Variants in ANK1 observed in about 807,000 individuals in gnomAD.
ANK1 encodes the protein ankyrin 1, also known as ankyrin-1.
In ANK1, 51 loss-of-function variants were observed where a neutral mutation model predicts 210.4. The ratio of observed to expected loss-of-function variants is 0.24; its 90% CI spans 0.19 to 0.31. The LOEUF is 0.31. ANK1 is among the 10% of genes least tolerant of loss of function. The probability of loss-of-function intolerance (pLI) is 1.00; values close to 1 mark genes in which losing one functional copy is unlikely to be tolerated. For missense variants in ANK1, 2,051 were observed against 2,504.4 expected, an observed-to-expected ratio of 0.82 and a Z score of 3.86; for synonymous variants, 967 against 1,025.9, an observed-to-expected ratio of 0.94 and a Z score of 1.10.
chr8:41,892,874 C>T (rs930183994), intron 1 of ANK1, among the ~76,000 whole-genome samples: 1 of 152,194 alleles, frequency 6.6e-6, no homozygotes, highest in African/African-American at 2.4e-5. Flanking sequence ...AGGTACACAG[C>T]TATGAATAGG....
chr8:41,787,252 T>C (rs189719604), intron 1 of ANK1, among the ~76,000 whole-genome samples: 67 of 152,232 alleles, frequency 4.4e-4, no homozygotes, highest in Middle Eastern at 6.8e-3. Context: ...TTGTGGGTGA[T>C]TATATAAAAA....
intron 40 of ANK1, among the ~76,000 whole-genome samples, chr8:41,662,439 A>C (rs1808719777): frequency 6.6e-6 from 1 of 152,186 alleles, no homozygotes; most frequent in Non-Finnish European, 1.5e-5. Flanking sequence ...ACAGCCCTGA[A>C]GGGGCCTTGG....
chr8:41,809,319 T>C (rs1802122848), intron 1 of ANK1, among the ~76,000 whole-genome samples: 1 of 152,246 alleles, frequency 6.6e-6, no homozygotes, highest in South Asian at 2.1e-4. Flanking sequence ...TGTGAAAACT[T>C]CCAAGCCAGC....
At position 41,714,257 on chromosome 8, in the gene ANK1, G is replaced by A; in HGVS notation, c.1702-3C>T. ...ACGTGCAGGGGGGTCAGGCCATTCTGCAGGGGACAAAGACAAAAGAGGCCG... is the reference window on the plus strand; with the variant it reads ...ACGTGCAGGGGGGTCAGGCCATTCTACAGGGGACAAAGACAAAAGAGGCCG... On this transcript the variant is annotated splice_polypyrimidine_tract_variant and splice_region_variant and intron_variant, in intron 15 of 42. Transcript: ENST00000289734. The A allele has an allele frequency of 6.4e-7, 1 of 1,555,374 alleles. No homozygotes were observed.
At chr8:41,740,660 C>T (rs1310327289) in intron 2 of ANK1, among the ~76,000 whole-genome samples, 5 of 152,290 alleles carry the variant, frequency 3.3e-5, no homozygotes, top group East Asian at 1.9e-4. Context: ...TCTCTGTATG[C>T]GTGCACTCTA....
intron 37 of ANK1, 48 bp from the exon 38 acceptor site, chr8:41,672,960 CCACCCATT>C (rs1232816102): frequency 1.3e-6 from 2 of 1,542,106 alleles, no homozygotes; most frequent in Admixed American, 3.6e-5. Flanking sequence ...GATTCCTGTC[CCACCCATT>C]CACGTGCAGG....
At position 41,725,873 on chromosome 8, in the gene ANK1, C is replaced by T. The variant is rs1291624250; in HGVS notation, c.500G>A (p.Gly167Asp). Residue 167 changes from glycine (G) to aspartate (D), a missense_variant, in exon 6 of 43, where the codon GGC becomes GAC. Physicochemically the swap from Gly to Asp is moderately conservative, Grantham distance 94. Coordinates refer to ENST00000289734, the MANE Select transcript of ANK1 (RefSeq NM_000037.4). ...ENVVAHLINY[G>D]TKGKVRLPAL... ...CGGGAGGCGCACCTTCCCCTTGGTG[C>T]CGTAGTTGATGAGGTGCGCGACGAC... 1.9e-6 allele frequency: 3 copies of T among 1,613,222 alleles called. No individual in the cohort carries two copies. The highest frequency in any genetic ancestry group is 2.5e-6 in the Non-Finnish European group (3 of 1,179,896).
chr8:41,676,045 T>C (rs1814052298), intron 37 of ANK1, among the ~76,000 whole-genome samples: 1 of 152,238 alleles, frequency 6.6e-6, no homozygotes, highest in South Asian at 2.1e-4. Context: ...TGCTTCCAGT[T>C]TGTGGCTATT....
At chr8:41,837,256 G>A (rs375087503) in intron 1 of ANK1, among the ~76,000 whole-genome samples, 14 of 152,316 alleles carry the variant, frequency 9.2e-5, no homozygotes, top group African/African-American at 3.4e-4. Context: ...GCACTTACTA[G>A]GTGCCACTCA....
intron 1 of ANK1, among the ~76,000 whole-genome samples, chr8:41,790,673 T>G (rs534324382): frequency 2.0e-5 from 3 of 152,276 alleles, no homozygotes; most frequent in Middle Eastern, 3.4e-3. Context: ...GAGATCCTAT[T>G]ATACAGCTTT....
intron 1 of ANK1, among the ~76,000 whole-genome samples, chr8:41,827,078 T>C (rs1055957273): frequency 1.3e-5 from 2 of 152,262 alleles, no homozygotes; most frequent in African/African-American, 4.8e-5. Context: ...TATAAGCCCT[T>C]AATAATCAGC....
chr8:41,705,804 G>C (rs1284109686), intron 18 of ANK1, among the ~76,000 whole-genome samples: 1 of 152,226 alleles, frequency 6.6e-6, no homozygotes, highest in African/African-American at 2.4e-5. Context: ...ATTTAACCAA[G>C]TGCTGGAAGA....
intron 1 of ANK1, among the ~76,000 whole-genome samples, chr8:41,821,593 G>A (rs16890848): frequency 0.023 from 3,480 of 152,258 alleles, 127 homozygotes; most frequent in African/African-American, 0.075. Context: ...GTTGAGTATC[G>A]TAAAGGAAAT....
At chr8:41,767,508 C>T (rs1323332146) in intron 1 of ANK1, among the ~76,000 whole-genome samples, 2 of 152,052 alleles carry the variant, frequency 1.3e-5, no homozygotes, top group Non-Finnish European at 2.9e-5. Context: ...CTCCACTCGC[C>T]CCGGCCCGGC....
intron 22 of ANK1, 33 bp from the exon 23 acceptor site, chr8:41,699,581 G>A (rs778291490): frequency 2.6e-5 from 42 of 1,597,236 alleles, no homozygotes; most frequent in Non-Finnish European, 3.3e-5. Flanking sequence ...GAGCGACGGG[G>A]TAGAGGAAGA....
At chr8:41,708,288 G>A (rs1825228165) in intron 17 of ANK1, among the ~76,000 whole-genome samples, 2 of 152,038 alleles carry the variant, frequency 1.3e-5, no homozygotes, top group African/African-American at 2.4e-5. Context: ...AACTGCTCAC[G>A]CGCGCTTCCT....
chr8:41,737,811 A>AAC (rs1400878992), intron 2 of ANK1, among the ~76,000 whole-genome samples: 1 of 152,196 alleles, frequency 6.6e-6, no homozygotes, highest in Non-Finnish European at 1.5e-5. Context: ...GCCTGTAAAA[A>AAC]ACACATGGGG....
intron 15 of ANK1, 147 bp downstream of exon 15, chr8:41,714,829 C>T (rs1732515621): frequency 2.4e-6 from 2 of 832,650 alleles, no homozygotes; most frequent in African/African-American, 1.7e-5. Context: ...CACTGCACTC[C>T]AGCCTGGGCA....
intron 1 of ANK1, among the ~76,000 whole-genome samples, chr8:41,846,894 G>A (rs1484097815): frequency 6.6e-6 from 1 of 152,114 alleles, no homozygotes; most frequent in Admixed American, 6.5e-5. Flanking sequence ...CACATGGCCC[G>A]GGAGCCTGAA....
Sources: allele counts gnomAD v4.1 joint callset (sites outside exome capture counted in the v4.1 genomes callset), GRCh38; gene constraint gnomAD v4.1.1; transcripts MANE v1.5; gene names NCBI Gene and HGNC (gene_info 2026-07-23, HGNC 2026-07-21).